The following CFAP54 variants were observed in gnomAD, a reference collection of about 807,000 sequenced individuals.
CFAP54 encodes cilia and flagella associated protein 54, also known as cilia- and flagella-associated protein 54.
In CFAP54, 290 loss-of-function variants were observed where a neutral mutation model predicts 370.4. The observed-to-expected ratio is 0.78, with a 90% CI of 0.71 to 0.86. The LOEUF is 0.86. CFAP54 is among the 40% of genes least tolerant of loss of function. CFAP54 has a pLI of 0.00. For missense variants in CFAP54, 3,399 were observed against 3,528.7 expected (o/e 0.96, Z 0.93); for synonymous variants, 1,206 against 1,236.5 (o/e 0.98, Z 0.52).
In CFAP54 at chr12:96,522,101, T is replaced by A. The variant is rs1056524615; in HGVS notation, c.1070T>A (p.Ile357Asn). 19 of 1,535,406 alleles carry A rather than the reference T, an allele frequency of 1.2e-5. No homozygotes were observed. The highest frequency in any genetic ancestry group is 1.6e-5 in the Non-Finnish European group (18 of 1,146,728). Residue 357 changes from isoleucine (I) to asparagine (N), a missense_variant, in exon 8 of 68, where the codon ATC (isoleucine) becomes AAC (asparagine). Transcript: ENST00000524981. ...TTTTTGAGGCAGATGGCAGTGATGA[T>A]CTTCAAAAGAGGAGTCTTTGAATCT... ...REATMKMAVMIFKRGVFESRR... is the reference protein window; with the variant it reads ...REATMKMAVMNFKRGVFESRR...
At chr12:96,548,058 G>A (rs976156457) in intron 15 of CFAP54, 80 bp downstream of exon 15, 2 of 568,748 alleles carry the variant, frequency 3.5e-6, no homozygotes, top group South Asian at 5.7e-5. Context: ...AATGCATAAT[G>A]GTTAATTGTA....
At chr12:96,647,683 G>A (rs11108612) in intron 33 of CFAP54, among the ~76,000 whole-genome samples, 192 bp from the exon 34 acceptor site, 22,245 of 151,692 alleles carry the variant, frequency 0.15, 2,125 homozygotes, top group East Asian at 0.44. Context: ...AAATTCCTAA[G>A]AGCAAAATTA....
chr12:96,621,720 A>T lies in CFAP54; in HGVS notation c.3770A>T (p.Glu1257Val). The T allele has an allele frequency of 6.6e-7, 1 of 1,520,274 alleles. No homozygotes were observed. The highest frequency in any genetic ancestry group is 8.8e-7 in the Non-Finnish European group (1 of 1,139,206). 94.2% of individuals were successfully genotyped at this position (1,520,274 alleles called of 1,614,324 possible). Residue 1257 changes from glutamate to valine, a missense_variant and splice_region_variant, in exon 27 of 68, where the codon GAG becomes GTG. Transcript: ENST00000524981. ...AATGAACAAGAAGAAATGCCAGAGGAGGTAATTGTTTTTGTTTCTCATTTT... is the reference window on the plus strand; with the variant it reads ...AATGAACAAGAAGAAATGCCAGAGGTGGTAATTGTTTTTGTTTCTCATTTT... The part of the protein sequence containing the change: ...GSNEQEEMPE[E>V]DSSKKSLKTK...
chr12:96,535,081 C>T (rs1212859181), intron 11 of CFAP54, among the ~76,000 whole-genome samples: 1 of 150,024 alleles, frequency 6.7e-6, no homozygotes, highest in Non-Finnish European at 1.5e-5. Context: ...TATTTTGAGT[C>T]ACAGTCTCAC....
intron 36 of CFAP54, 32 bp from the exon 37 acceptor site, chr12:96,657,850 A>T: frequency 1.5e-6 from 2 of 1,336,034 alleles, no homozygotes; most frequent in South Asian, 1.3e-5. Flanking sequence ...ATCTGAAATT[A>T]CACATTTTTT....
At chr12:96,795,067 C>T (rs529042038) in intron 63 of CFAP54, among the ~76,000 whole-genome samples, 6 of 152,278 alleles carry the variant, frequency 3.9e-5, no homozygotes, top group African/African-American at 1.2e-4. Context: ...AGAGGAGTGT[C>T]TGCAAAAAAT....
chr12:96,651,735 A>G lies in CFAP54; in HGVS notation c.5020A>G (p.Thr1674Ala), dbSNP rs1184743320. Residue 1674 changes from threonine (T) to alanine (A), a missense_variant, in exon 36 of 68, where the codon ACC (threonine) becomes GCC (alanine). By Grantham distance (58) the Thr-to-Ala change is moderately conservative (BLOSUM62 0). Coordinates refer to ENST00000524981, the MANE Select transcript of CFAP54 (RefSeq NM_001306084.2). Reference protein sequence around the residue: ...FPISQDGFLCTSVLPFYLGAE... With the variant: ...FPISQDGFLCASVLPFYLGAE... ...TATTAGCCAAGATGGTTTCCTCTGC[A>G]CCTCTGTTTTACCATTCTATTTGGG... The G allele has an allele frequency of 2.5e-6, 4 of 1,613,838 alleles. No homozygotes were observed. In the East Asian group the frequency reaches 6.7e-5, roughly 27 times the overall value.
chr12:96,817,716 G>A (rs918521309), intron 64 of CFAP54, 59 bp from the exon 65 acceptor site: 85 of 1,177,884 alleles, frequency 7.2e-5, no homozygotes, highest in Non-Finnish European at 8.9e-5. Context: ...CACCACGCCC[G>A]GCCATAAATA....
At chr12:96,782,955 G>A (rs1290006873) in intron 60 of CFAP54, among the ~76,000 whole-genome samples, 1 of 152,058 alleles carries the variant, frequency 6.6e-6, no homozygotes, top group Non-Finnish European at 1.5e-5. Context: ...ATAAATTGTG[G>A]TATATTCCTA....
chr12:96,805,459 T>G (rs992518749), intron 63 of CFAP54, among the ~76,000 whole-genome samples: 1 of 151,822 alleles, frequency 6.6e-6, no homozygotes, highest in Non-Finnish European at 1.5e-5. Flanking sequence ...TATACAAGTT[T>G]TCAACAAACA....
At chr12:96,757,470 T>G in intron 57 of CFAP54, 25 bp from the exon 58 acceptor site, 2 of 1,285,302 alleles carry the variant, frequency 1.6e-6, no homozygotes, top group Non-Finnish European at 2.2e-6. Context: ...AGCTATTTAA[T>G]AAGTACAGTG....
intron 46 of CFAP54, among the ~76,000 whole-genome samples, chr12:96,702,051 A>G (rs1252305473): frequency 6.6e-6 from 1 of 152,156 alleles, no homozygotes; most frequent in African/African-American, 2.4e-5. Context: ...GGGAGTGAAC[A>G]GCAGTCCGGT....
rs199624124 is a variant in CFAP54, at chr12:96,826,446, CAT to C, written c.9097-2563_9097-2562del. On this transcript the variant is annotated intron_variant, in intron 65 of 67. Coordinates refer to ENST00000524981, the MANE Select transcript of CFAP54 (RefSeq NM_001306084.2). ...ATAATATATAATATATATTATATAC[CAT>C]ATATGTTATTTACTATATATTATAT... 8.4e-3 allele frequency among the ~76,000 whole-genome samples: 982 copies of C among 116,878 alleles called. 33 individuals are homozygous for C. In the East Asian group the frequency reaches 0.1, roughly 12 times the overall value. The allele number at this position is 116,878 out of a possible 152,430, so 76.7% of individuals were successfully genotyped here.
At chr12:96,791,851 C>CTTTTTTTTTTTT (rs112115771) in intron 62 of CFAP54, among the ~76,000 whole-genome samples, 1 of 134,476 alleles carries the variant, frequency 7.4e-6, no homozygotes. Flanking sequence ...ATTTTTTTTT[C>CTTTTTTTTTTTT]TTTTTTTTTT....
intron 65 of CFAP54, 112 bp from the exon 66 acceptor site, chr12:96,828,902 A>T: frequency 3.8e-6 from 2 of 520,806 alleles, no homozygotes; most frequent in South Asian, 4.4e-5. Context: ...CCTGGGAACA[A>T]AGGTTAGGTA....
chr12:96,631,883 G>A (rs1399420696), intron 32 of CFAP54, among the ~76,000 whole-genome samples: 3 of 151,468 alleles, frequency 2.0e-5, no homozygotes, highest in Non-Finnish European at 4.4e-5. Context: ...TTTCTGTAGG[G>A]TAAATACACA....
At chr12:96,617,488 G>C (rs759316647) in intron 26 of CFAP54, among the ~76,000 whole-genome samples, 4 of 152,164 alleles carry the variant, frequency 2.6e-5, no homozygotes, top group Non-Finnish European at 5.9e-5. Context: ...TTAGTCTAAA[G>C]CTATTCTGTC....
Position 96,512,301 on chromosome 12 carries a change from TTATATATATATATATATATATATA to T in CFAP54, c.740-659_740-636del, listed in dbSNP as rs1165045194. ...GATAAGGAAACCATGGGAACCAATT[TTATATATATATATATATATATATA>T]TATATATATATATATATATATATAT... On this transcript the variant is annotated intron_variant, in intron 4 of 67. Coordinates refer to ENST00000524981, the MANE Select transcript of CFAP54 (RefSeq NM_001306084.2). 3.1e-3 allele frequency among the ~76,000 whole-genome samples: 98 copies of T among 31,134 alleles called. 4 individuals carry two copies. Among genetic ancestry groups the T allele is most frequent in the Middle Eastern group, 0.029 (1 of 34 alleles). The allele number at this position is 31,134 out of a possible 152,430, so 20.4% of individuals were successfully genotyped here.
chr12:96,859,698 C>A (rs1373167241), intron 66 of CFAP54, among the ~76,000 whole-genome samples: 1 of 152,194 alleles, frequency 6.6e-6, no homozygotes, highest in African/African-American at 2.4e-5. Flanking sequence ...AGCCACCACA[C>A]CTGACCCCAG....
Sources: allele counts gnomAD v4.1 joint callset (sites outside exome capture counted in the v4.1 genomes callset), GRCh38; gene constraint gnomAD v4.1.1; transcripts MANE v1.5; gene names NCBI Gene and HGNC (gene_info 2026-07-23, HGNC 2026-07-21).